SPAG9: variants seen among roughly 807,000 people sequenced by gnomAD.
SPAG9 encodes sperm associated antigen 9.
SPAG9 carries 35 observed loss-of-function variants against 166.5 expected under a neutral mutation model. The ratio of observed to expected loss-of-function variants is 0.21; its 90% confidence interval spans 0.16 to 0.28. The LOEUF is 0.28. SPAG9 is among the 10% of genes least tolerant of loss of function. The pLI is 1.00. For missense variants in SPAG9, 1,235 were observed against 1,603.3 expected, an observed-to-expected ratio of 0.77 and a Z score of 3.92; for synonymous variants, 534 against 565.5, an observed-to-expected ratio of 0.94 and a Z score of 0.79.
At chr17:51,037,685 A>ATATATATATAGTGTGTGTGT in intron 5 of SPAG9, among the ~76,000 whole-genome samples, 7 of 83,510 alleles carry the variant, frequency 8.4e-5, no homozygotes, top group African/African-American at 2.7e-4. Context: ...ATATATATAT[A>ATATATATATAGTGTGTGTGT]GTGTGTGTGT....
chr17:51,071,340 C>G (rs534447624), intron 2 of SPAG9, among the ~76,000 whole-genome samples: 1 of 152,300 alleles, frequency 6.6e-6, no homozygotes, highest in East Asian at 1.9e-4. Context: ...TGATTACACT[C>G]CTTACACACT....
intron 12 of SPAG9, among the ~76,000 whole-genome samples, chr17:51,002,623 T>G (rs2045007278): frequency 6.6e-6 from 1 of 151,708 alleles, no homozygotes; most frequent in Admixed American, 6.6e-5. Flanking sequence ...CCAGGAGTGG[T>G]GGCACACACC....
chr17:51,003,166 G>C (rs2045038670), intron 12 of SPAG9, among the ~76,000 whole-genome samples: 1 of 152,022 alleles, frequency 6.6e-6, no homozygotes, highest in South Asian at 2.1e-4. Context: ...TTGAGCCCAG[G>C]AGTTCAAGGC....
chr17:51,033,760 C>T (rs537834245), intron 5 of SPAG9, among the ~76,000 whole-genome samples: 1 of 152,196 alleles, frequency 6.6e-6, no homozygotes, highest in Non-Finnish European at 1.5e-5. Flanking sequence ...TTGTGCCTAA[C>T]ACAGTGAGCA....
At chr17:51,081,633 T>C (rs1318913353) in intron 1 of SPAG9, among the ~76,000 whole-genome samples, 4 of 151,832 alleles carry the variant, frequency 2.6e-5, no homozygotes, top group Non-Finnish European at 4.4e-5. Context: ...TCCCAGCTAT[T>C]TGGGAGGCTG....
At chr17:51,051,707 G>A (rs1473708299) in intron 3 of SPAG9, among the ~76,000 whole-genome samples, 2 of 152,058 alleles carry the variant, frequency 1.3e-5, no homozygotes, top group East Asian at 1.9e-4. Context: ...GCAACACAAC[G>A]AGACTCCCTC....
chr17:50,975,182 G>A (rs1450839661), intron 27 of SPAG9: 2 of 423,476 alleles, frequency 4.7e-6, no homozygotes, highest in African/African-American at 2.1e-5. Flanking sequence ...CAATAAGTAA[G>A]CTTATTTTTT....
Position 50,966,040 on chromosome 17 carries a change from T to C in SPAG9, c.*232A>G, listed in dbSNP as rs767462533. The C allele has an allele frequency of 1.2e-5, 5 of 434,712 alleles. No individual in the cohort carries two copies. The highest frequency in any genetic ancestry group is 3.4e-5 in the Admixed American group (1 of 29,222). The allele number at this position is 434,712 out of a possible 1,614,324, so 26.9% of individuals were successfully genotyped here. A position where few individuals can be genotyped will look rare whatever the true frequency, so the allele number is the denominator to read the frequency against. On this transcript the variant is annotated 3_prime_UTR_variant, in exon 30 of 30. Transcript: ENST00000262013. ...CCAGTTTGCAGGAAGTAAACATTCTTTGATTTGTTCATAATATACTGAAGT... is the reference window on the plus strand; with the variant it reads ...CCAGTTTGCAGGAAGTAAACATTCTCTGATTTGTTCATAATATACTGAAGT...
chr17:51,072,826 T>C (rs935478342), intron 2 of SPAG9, among the ~76,000 whole-genome samples: 1 of 152,210 alleles, frequency 6.6e-6, no homozygotes, highest in Non-Finnish European at 1.5e-5. Context: ...TCATTCCCAA[T>C]CTTGGTTTTC....
intron 1 of SPAG9, among the ~76,000 whole-genome samples, chr17:51,113,207 G>A (rs1219092832): frequency 2.0e-5 from 3 of 150,960 alleles, no homozygotes; most frequent in African/African-American, 7.3e-5. Flanking sequence ...TACAAAATTA[G>A]CTGGCCATGG....
intron 1 of SPAG9, among the ~76,000 whole-genome samples, chr17:51,113,944 G>A (rs889425311): frequency 1.3e-5 from 2 of 152,134 alleles, no homozygotes; most frequent in East Asian, 3.9e-4. Context: ...GCAGTCAGCC[G>A]GGATTACACC....
In SPAG9 at chr17:51,120,281, G is replaced by T; in HGVS notation, c.303+73C>A. ...GAGGCCCGTCGCGCCTCTAGTCCCC[G>T]ACCGGGCCGCGACCCCGCCCCGGCC... On this transcript the variant is annotated intron_variant, in intron 1 of 29. Coordinates refer to ENST00000262013, the MANE Select transcript of SPAG9 (RefSeq NM_001130528.3). This position sits in a 1 kb window ranked among gnomAD's most constrained non-coding sequence, Gnocchi z 4.7. The T allele has an allele frequency of 1.6e-6, 2 of 1,261,850 alleles. No individual in the cohort carries two copies. Among genetic ancestry groups the T allele is most frequent in the African/African-American group, 2.5e-5 (1 of 40,014 alleles). 78.2% of individuals were successfully genotyped at this position (1,261,850 alleles called of 1,614,324 possible). A position where few individuals can be genotyped will look rare whatever the true frequency, so the allele number is the denominator to read the frequency against.
intron 3 of SPAG9, among the ~76,000 whole-genome samples, chr17:51,048,101 A>T (rs950851742): frequency 3.9e-5 from 6 of 152,116 alleles, no homozygotes; most frequent in Non-Finnish European, 1.5e-5. Context: ...GCAGCAAATT[A>T]ATACAAATGT....
intron 26 of SPAG9, among the ~76,000 whole-genome samples, chr17:50,978,226 G>A (rs933964757): frequency 6.6e-6 from 1 of 152,160 alleles, no homozygotes; most frequent in Non-Finnish European, 1.5e-5. Flanking sequence ...GGGCATGATC[G>A]CTGAATCACA....
At chr17:51,031,914 T>C (rs994475801) in intron 5 of SPAG9, 192 bp from the exon 6 acceptor site, 13 of 678,798 alleles carry the variant, frequency 1.9e-5, no homozygotes, top group African/African-American at 1.1e-4. Flanking sequence ...TTAAGTAATA[T>C]CATGGTTCAG....
rs773239556 is a variant in SPAG9, at chr17:51,120,591, C to T, written c.66G>A (p.Glu22=). 4.1e-5 allele frequency: 66 copies of T among 1,613,156 alleles called. No homozygotes were observed. The highest frequency in any genetic ancestry group is 5.5e-5 in the Non-Finnish European group (65 of 1,179,698). Residue 22 remains glutamate (E), a synonymous_variant, in exon 1 of 30, where the codon GAG becomes GAA. Transcript: ENST00000262013. This position sits in a 1 kb window ranked among gnomAD's most constrained non-coding sequence, Gnocchi z 4.7. ...EPGGSGAVMS[E]RVSGLAGSIY... ...TGGAGCCGGCCAGGCCGGACACCCGCTCCGACATCACGGCCCCGGAGCCGC... is the reference window on the plus strand; with the variant it reads ...TGGAGCCGGCCAGGCCGGACACCCGTTCCGACATCACGGCCCCGGAGCCGC...
chr17:51,061,053 G>A (rs1376986744), intron 2 of SPAG9, among the ~76,000 whole-genome samples: 1 of 151,304 alleles, frequency 6.6e-6, no homozygotes, highest in Admixed American at 6.6e-5. Flanking sequence ...TCACCATGTT[G>A]GTCAGGATGG....
chr17:51,017,685 T>C (rs1406984300), intron 8 of SPAG9, among the ~76,000 whole-genome samples: 1 of 152,194 alleles, frequency 6.6e-6, no homozygotes, highest in Non-Finnish European at 1.5e-5. Flanking sequence ...AAGGTTGTAA[T>C]TAGGATCAAA....
chr17:51,056,948 ATGG>A (rs1300929565), intron 2 of SPAG9, among the ~76,000 whole-genome samples: 2 of 152,052 alleles, frequency 1.3e-5, no homozygotes, highest in Non-Finnish European at 2.9e-5. Context: ...CCCTCTGCTG[ATGG>A]GTTTTGTGAG....
Sources: gnomAD v4.1 joint callset for allele counts (sites outside exome capture counted in the v4.1 genomes callset) on GRCh38, gnomAD v4.1.1 for gene constraint, Gnocchi (gnomAD v3.1) non-coding constraint, MANE v1.5 for transcripts, NCBI Gene and HGNC (gene_info 2026-07-23, HGNC 2026-07-21) for gene names.